RALGAPA1: variants seen among roughly 807,000 people sequenced by gnomAD.
The protein encoded by RALGAPA1 is Ral GTPase activating protein catalytic subunit alpha 1.
RALGAPA1 carries 52 observed loss-of-function variants against 269.6 expected under a neutral mutation model. That is an observed-to-expected ratio of 0.19 (90% CI 0.15 to 0.24). RALGAPA1 has a LOEUF of 0.24. RALGAPA1 is among the 10% of genes least tolerant of loss of function. The pLI is 1.00. For missense variants in RALGAPA1, 1,917 were observed against 3,013.9 expected, an observed-to-expected ratio of 0.64 and a Z score of 8.52; for synonymous variants, 817 against 1,008.3, an observed-to-expected ratio of 0.81 and a Z score of 3.60.
intron 29 of RALGAPA1, among the ~76,000 whole-genome samples, chr14:35,654,952 A>C (rs2063079550): frequency 6.6e-6 from 1 of 152,126 alleles, no homozygotes; most frequent in Non-Finnish European, 1.5e-5. Context: ...CCTCTTTTCC[A>C]GTCTTCTCTG....
chr14:35,552,735 AT>A (rs1438959364), intron 39 of RALGAPA1, among the ~76,000 whole-genome samples: 40 of 149,594 alleles, frequency 2.7e-4, no homozygotes, highest in Middle Eastern at 3.5e-3. Context: ...AAAAAAAAAA[AT>A]AACACACAGG....
intron 35 of RALGAPA1, among the ~76,000 whole-genome samples, chr14:35,607,579 A>G (rs2059675435): frequency 6.6e-6 from 1 of 151,968 alleles, no homozygotes. Flanking sequence ...GGGACTGCCA[A>G]CTCCTCCCAA....
intron 35 of RALGAPA1, among the ~76,000 whole-genome samples, chr14:35,610,227 T>C (rs570365098): frequency 1.0e-3 from 155 of 150,952 alleles, no homozygotes; most frequent in Non-Finnish European, 1.9e-3. Context: ...TAAGCATTTG[T>C]ATGCCAACAA....
chr14:35,641,385 G>A (rs887570737), intron 31 of RALGAPA1, among the ~76,000 whole-genome samples: 2 of 152,062 alleles, frequency 1.3e-5, no homozygotes, highest in Middle Eastern at 3.4e-3. Flanking sequence ...GATAAACAAC[G>A]TCAAATTCAG....
rs1389807064 is a variant in RALGAPA1, at chr14:35,627,690, G to C, written c.6257C>G (p.Pro2086Arg). The stretch of plus-strand genomic sequence containing the variant: ...AAGGCCAGCAGATAAACCTCCTCCA[G>C]GCATATTCTCTTCTGATCTGATCTG... ...CIQIRSEENM[P>R]GGGLSAGLAS... Residue 2086 changes from proline (P) to arginine (R), a missense_variant, in exon 34 of 42, where the codon CCT (proline) becomes CGT (arginine). By Grantham distance (103) the Pro-to-Arg change is moderately radical (BLOSUM62 -2). Coordinates refer to ENST00000680220, the MANE Select transcript of RALGAPA1 (RefSeq NM_001346249.2). The C allele has an allele frequency of 6.2e-7, 1 of 1,601,358 alleles. No individual in the cohort carries two copies. Among genetic ancestry groups the C allele is most frequent in the East Asian group, 2.2e-5 (1 of 44,862 alleles).
Position 35,688,997 on chromosome 14 carries a change from T to C in RALGAPA1, c.3414A>G (p.Lys1138=), listed in dbSNP as rs1355392809. The C allele has an allele frequency of 2.4e-6, 3 of 1,237,426 alleles. No individual in the cohort carries two copies. Among genetic ancestry groups the C allele is most frequent in the Non-Finnish European group, 3.0e-6 (3 of 991,140 alleles). The allele number at this position is 1,237,426 out of a possible 1,614,324, so 76.7% of individuals were successfully genotyped here. Residue 1138 remains lysine, a synonymous_variant, in exon 18 of 42, where the codon AAA becomes AAG. Transcript: ENST00000680220. ...GTTTTTTAGTAGCAATTTTCATGAT[T>C]TTGGCTCTATGAGTTACTGTTTCAG... ...SLSETVTHRA[K]IMKIATKKRN... is the part of the protein sequence containing the mutation.
intron 23 of RALGAPA1, 100 bp from the exon 24 acceptor site, chr14:35,674,378 T>A: frequency 1.6e-6 from 2 of 1,245,324 alleles, no homozygotes; most frequent in Non-Finnish European, 2.2e-6. Flanking sequence ...ACTTACTATT[T>A]AATTACAATT....
chr14:35,655,055 T>C (rs1183640103), intron 29 of RALGAPA1, among the ~76,000 whole-genome samples: 4 of 152,308 alleles, frequency 2.6e-5, no homozygotes, highest in East Asian at 3.9e-4. Context: ...TTTAGTACTC[T>C]CAGGTTTTTA....
At chr14:35,640,574 A>T (rs2061963372) in intron 31 of RALGAPA1, among the ~76,000 whole-genome samples, 1 of 152,180 alleles carries the variant, frequency 6.6e-6, no homozygotes, top group Non-Finnish European at 1.5e-5. Flanking sequence ...CCAGTAACAT[A>T]TAACAAGAAT....
chr14:35,672,515 C>T (rs867419643), intron 25 of RALGAPA1, among the ~76,000 whole-genome samples: 1 of 151,586 alleles, frequency 6.6e-6, no homozygotes, highest in African/African-American at 2.4e-5. Context: ...AATCCATATG[C>T]CTCAAGTATC....
Position 35,649,123 on chromosome 14 carries a change from C to T in RALGAPA1, c.5676+2682G>A, listed in dbSNP as rs532074855. Among the ~76,000 whole-genome samples the T allele has an allele frequency of 3.3e-5, 5 of 152,320 alleles. No individual in the cohort carries two copies. The South Asian group carries it at 8.3e-4, about 25-fold the overall frequency. Reference sequence around the variant, plus strand: ...TCTAATCAGGTATATAATTGCCTTGCTGGTGGTCTCCACCTGGAGATTACT... The same window carrying T: ...TCTAATCAGGTATATAATTGCCTTGTTGGTGGTCTCCACCTGGAGATTACT... On this transcript the variant is annotated intron_variant, in intron 31 of 41. Coordinates refer to ENST00000680220, the MANE Select transcript of RALGAPA1 (RefSeq NM_001346249.2).
chr14:35,581,978 C>G (rs1444180178), intron 37 of RALGAPA1, among the ~76,000 whole-genome samples: 2 of 152,086 alleles, frequency 1.3e-5, no homozygotes, highest in Admixed American at 6.6e-5. Context: ...TGGAAACAAC[C>G]CAATTTCCAG....
chr14:35,688,396 T>C, intron 18 of RALGAPA1, 63 bp downstream of exon 18: 4 of 1,528,292 alleles, frequency 2.6e-6, no homozygotes, highest in Non-Finnish European at 3.5e-6. Context: ...CTTGCTTCAG[T>C]TGCATTAAGC....
At chr14:35,736,012 C>CT (rs1299088596) in intron 12 of RALGAPA1, among the ~76,000 whole-genome samples, 1 of 152,128 alleles carries the variant, frequency 6.6e-6, no homozygotes, top group Non-Finnish European at 1.5e-5. Flanking sequence ...ATCTGACTTA[C>CT]ATTTTACAGG....
In RALGAPA1 at chr14:35,627,467, T is replaced by C. The variant is rs145469508; in HGVS notation, c.6480A>G (p.Lys2160=). ...SNECLEDITV[K]DGLSLQFKRF... ...TTTTAAACTGGAGAGAAAGTCCATC[T>C]TTTACGGTTATATCTTCTAAGCATT... is the stretch of plus-strand genomic sequence containing the variant. Residue 2160 remains lysine (K), a synonymous_variant, in exon 34 of 42, where the codon AAA becomes AAG. Coordinates refer to ENST00000680220, the MANE Select transcript of RALGAPA1 (RefSeq NM_001346249.2). 2.5e-4 allele frequency: 400 copies of C among 1,613,586 alleles called. No homozygotes were observed. The African/African-American group carries it at 4.9e-3, about 20-fold the overall frequency.
Position 35,686,453 on chromosome 14 carries a change from T to C in RALGAPA1, c.4077+89A>G. ...AGGTTATTTTGAATAAAAATTCCCA[T>C]ATATAAATTGACATATATGTACATA... On this transcript the variant is annotated intron_variant, in intron 19 of 41. Coordinates refer to ENST00000680220, the MANE Select transcript of RALGAPA1 (RefSeq NM_001346249.2). 5 of 949,940 alleles carry C rather than the reference T, an allele frequency of 5.3e-6. No homozygotes were observed. In the Middle Eastern group the frequency reaches 1.1e-3, roughly 217 times the overall value. 58.8% of individuals were successfully genotyped at this position (949,940 alleles called of 1,614,324 possible).
rs900089476 is a variant in RALGAPA1, at chr14:35,570,483, A to T, written c.7496+134T>A. 8 of 729,484 alleles carry T rather than the reference A, an allele frequency of 1.1e-5. No individual in the cohort carries two copies. The Admixed American group carries it at 2.6e-4, about 24-fold the overall frequency. 45.2% of individuals were successfully genotyped at this position (729,484 alleles called of 1,614,324 possible). ...TGAGACAATCCCGGGAAACATAATG[A>T]TACTCCATTTCTACAAAAAATAATA... On this transcript the variant is annotated intron_variant, in intron 39 of 41. Transcript: ENST00000680220.
chr14:35,779,058 T>TA (rs893075956), intron 1 of RALGAPA1, among the ~76,000 whole-genome samples: 5 of 152,018 alleles, frequency 3.3e-5, no homozygotes, highest in African/African-American at 9.7e-5. Flanking sequence ...AATACATCTG[T>TA]AAAAAAAGAA....
chr14:35,690,716 C>T (rs943590450), intron 17 of RALGAPA1, among the ~76,000 whole-genome samples: 3 of 152,100 alleles, frequency 2.0e-5, no homozygotes, highest in Non-Finnish European at 4.4e-5. Flanking sequence ...GTTATTGGCC[C>T]TTTCCATTAA....
Sources: allele counts gnomAD v4.1 joint callset (sites outside exome capture counted in the v4.1 genomes callset), GRCh38; gene constraint gnomAD v4.1.1; transcripts MANE v1.5; gene names NCBI Gene and HGNC (gene_info 2026-07-23, HGNC 2026-07-21).